SLC35F1: variants seen among roughly 807,000 people sequenced by gnomAD.
SLC35F1 encodes the protein solute carrier family 35 member F1, also known as chromosome 6 open reading frame 169.
In SLC35F1, 14 loss-of-function variants were observed where a neutral mutation model predicts 48.7. The ratio of observed to expected loss-of-function variants is 0.29; its 90% CI spans 0.19 to 0.45. SLC35F1 has a LOEUF of 0.45. Ranked by LOEUF, SLC35F1 falls within the 20% of genes least tolerant of loss-of-function variation. SLC35F1 has a pLI of 1.00. For missense variants in SLC35F1, 404 were observed against 500.0 expected (o/e 0.81, Z 1.83); for synonymous variants, 190 against 202.2 (o/e 0.94, Z 0.51).
intron 2 of SLC35F1, among the ~76,000 whole-genome samples, chr6:118,159,025 C>T (rs1331818421): frequency 6.6e-6 from 1 of 151,666 alleles, no homozygotes; most frequent in Non-Finnish European, 1.5e-5. Context: ...TCGAGATCAT[C>T]CTGGCTAACA....
chr6:118,252,674 G>A (rs1775591010), intron 3 of SLC35F1, among the ~76,000 whole-genome samples: 1 of 152,164 alleles, frequency 6.6e-6, no homozygotes, highest in African/African-American at 2.4e-5. Flanking sequence ...GTCATTGTAT[G>A]ATTAGGTCAT....
intron 1 of SLC35F1, among the ~76,000 whole-genome samples, chr6:117,936,353 A>C (rs1376482922): frequency 6.6e-6 from 1 of 152,040 alleles, no homozygotes. Flanking sequence ...TGGTGGTAGG[A>C]TTATAGAAGG....
chr6:118,286,643 C>G (rs983709911), intron 7 of SLC35F1, among the ~76,000 whole-genome samples: 3 of 152,064 alleles, frequency 2.0e-5, no homozygotes, highest in Non-Finnish European at 4.4e-5. Flanking sequence ...TGAGGTATAA[C>G]TGAGGAATAA....
intron 1 of SLC35F1, among the ~76,000 whole-genome samples, chr6:118,134,544 A>G (rs1562300388): frequency 6.6e-6 from 1 of 152,196 alleles, no homozygotes. Flanking sequence ...GAATAACACC[A>G]TGCAATAGGC....
chr6:118,278,950 GT>G (rs2114634413), intron 6 of SLC35F1, among the ~76,000 whole-genome samples: 1 of 152,284 alleles, frequency 6.6e-6, no homozygotes, highest in African/African-American at 2.4e-5. Context: ...TCAAAAGATA[GT>G]TTTATTCTGA....
chr6:118,241,663 C>T (rs1230759923), intron 3 of SLC35F1, among the ~76,000 whole-genome samples: 1 of 151,890 alleles, frequency 6.6e-6, no homozygotes, highest in African/African-American at 2.4e-5. Flanking sequence ...ACCACCACTA[C>T]AATCGGGTAC....
At chr6:118,024,227 G>A (rs966567061) in intron 1 of SLC35F1, among the ~76,000 whole-genome samples, 2 of 152,022 alleles carry the variant, frequency 1.3e-5, no homozygotes, top group Non-Finnish European at 1.5e-5. Flanking sequence ...CCACTCCTAC[G>A]GCATCCCAAC....
chr6:118,139,896 G>A (rs972613742), intron 1 of SLC35F1, among the ~76,000 whole-genome samples: 13 of 152,290 alleles, frequency 8.5e-5, no homozygotes, highest in Non-Finnish European at 1.5e-4. Context: ...TGGTGGGGAG[G>A]AGGTAGGGAG....
intron 7 of SLC35F1, among the ~76,000 whole-genome samples, chr6:118,291,673 C>T (rs1776124927): frequency 6.6e-6 from 1 of 152,216 alleles, no homozygotes. Context: ...TACGTCTCCT[C>T]TCCTGGGCTG....
chr6:117,957,930 T>A (rs888385863), intron 1 of SLC35F1, among the ~76,000 whole-genome samples: 7 of 152,194 alleles, frequency 4.6e-5, no homozygotes, highest in Non-Finnish European at 2.9e-5. Flanking sequence ...AAAAGTTAAC[T>A]GTAAAACGGC....
chr6:118,134,300 T>C (rs542132754), intron 1 of SLC35F1, among the ~76,000 whole-genome samples: 1 of 130,062 alleles, frequency 7.7e-6, no homozygotes, highest in African/African-American at 2.7e-5. Flanking sequence ...CTGCATCTTA[T>C]AGTCCATTTA....
chr6:117,994,930 C>A (rs1776965538), intron 1 of SLC35F1, among the ~76,000 whole-genome samples: 1 of 152,124 alleles, frequency 6.6e-6, no homozygotes, highest in South Asian at 2.1e-4. Context: ...GAAGTAAATG[C>A]CAATGCCTTA....
intron 1 of SLC35F1, among the ~76,000 whole-genome samples, chr6:118,069,535 A>G (rs1352205950): frequency 6.6e-6 from 1 of 152,116 alleles, no homozygotes; most frequent in Non-Finnish European, 1.5e-5. Flanking sequence ...GGCTGGTAAG[A>G]GTTATTTTCT....
At chr6:118,141,945 G>C (rs1346725119) in intron 1 of SLC35F1, among the ~76,000 whole-genome samples, 1 of 151,922 alleles carries the variant, frequency 6.6e-6, no homozygotes, top group Non-Finnish European at 1.5e-5. Context: ...TTCCTTCTTT[G>C]TTCTTAAAGA....
intron 2 of SLC35F1, among the ~76,000 whole-genome samples, chr6:118,183,356 C>G (rs1243544859): frequency 6.6e-6 from 1 of 152,054 alleles, no homozygotes; most frequent in South Asian, 2.1e-4. Context: ...CCACATTTTT[C>G]TTGGTGCTAA....
intron 1 of SLC35F1, among the ~76,000 whole-genome samples, chr6:118,150,031 G>A (rs1230499784): frequency 6.6e-6 from 1 of 152,064 alleles, no homozygotes; most frequent in African/African-American, 2.4e-5. Flanking sequence ...GTTGAGATTT[G>A]GAACCACATA....
At chr6:118,239,855 T>C (rs1775413650) in intron 3 of SLC35F1, among the ~76,000 whole-genome samples, 1 of 152,208 alleles carries the variant, frequency 6.6e-6, no homozygotes, top group African/African-American at 2.4e-5. Flanking sequence ...ATCTAACAGT[T>C]CTAGAACCAT....
At chr6:118,236,763 C>T (rs1775370613) in intron 3 of SLC35F1, among the ~76,000 whole-genome samples, 1 of 152,208 alleles carries the variant, frequency 6.6e-6, no homozygotes, top group African/African-American at 2.4e-5. Flanking sequence ...TAAGGGAGAC[C>T]TGAGCCTGCC....
chr6:118,216,634 C>G (rs528927671), intron 2 of SLC35F1, among the ~76,000 whole-genome samples: 7 of 152,078 alleles, frequency 4.6e-5, no homozygotes, highest in African/African-American at 1.7e-4. Flanking sequence ...TAAGAATTGA[C>G]TATATTTATT....
Sources: gnomAD v4.1 joint callset for allele counts (sites outside exome capture counted in the v4.1 genomes callset) on GRCh38, gnomAD v4.1.1 for gene constraint, MANE v1.5 for transcripts, NCBI Gene and HGNC (gene_info 2026-07-23, HGNC 2026-07-21) for gene names.